RIMS2: variants seen among roughly 807,000 people sequenced by gnomAD.
RIMS2 encodes the protein regulating synaptic membrane exocytosis 2, also known as regulating synaptic membrane exocytosis protein 2.
RIMS2 carries 59 observed loss-of-function variants against 174.4 expected under a neutral mutation model. The ratio of observed to expected loss-of-function variants is 0.34; its 90% CI spans 0.27 to 0.42. The LOEUF is 0.42. Ranked by LOEUF, RIMS2 falls within the 10% of genes least tolerant of loss-of-function variation. RIMS2 has a pLI of 1.00. For synonymous variants in RIMS2, 606 were observed against 572.5 expected (o/e 1.06, Z -0.84); for missense variants, 1,620 against 1,666.3 (o/e 0.97, Z 0.48).
chr8:103,942,235 A>G (rs1362041564), intron 13 of RIMS2, among the ~76,000 whole-genome samples: 1 of 152,136 alleles, frequency 6.6e-6, no homozygotes, highest in Non-Finnish European at 1.5e-5. Flanking sequence ...TAAAAGTGAG[A>G]ATGCGTGGTA....
chr8:104,103,550 A>T (rs988897138), intron 19 of RIMS2, among the ~76,000 whole-genome samples: 3 of 152,102 alleles, frequency 2.0e-5, no homozygotes, highest in African/African-American at 7.2e-5. Flanking sequence ...CTTTTATTCT[A>T]ATACTCCTTC....
chr8:103,762,476 A>G (rs2098122711), intron 2 of RIMS2, among the ~76,000 whole-genome samples: 1 of 152,322 alleles, frequency 6.6e-6, no homozygotes, highest in East Asian at 1.9e-4. Flanking sequence ...GCCAAATTAG[A>G]TAAATTTTGT....
chr8:103,679,386 A>G (rs561754149), intron 1 of RIMS2, among the ~76,000 whole-genome samples: 3 of 152,172 alleles, frequency 2.0e-5, no homozygotes, highest in South Asian at 2.1e-4. Context: ...TTTAACATCA[A>G]TCAAGAAATT....
chr8:103,529,065 C>T (rs866411483), intron 1 of RIMS2, among the ~76,000 whole-genome samples: 14 of 152,110 alleles, frequency 9.2e-5, no homozygotes, highest in Non-Finnish European at 1.3e-4. Context: ...TCTTTTATTT[C>T]GTTGAGCAGT....
chr8:104,024,541 C>CGTT (rs55642714), intron 19 of RIMS2, among the ~76,000 whole-genome samples: 19,795 of 151,420 alleles, frequency 0.13, 1,674 homozygotes, highest in Non-Finnish European at 0.19. Context: ...CAACCGGTTT[C>CGTT]GTTGTTGTTG....
intron 19 of RIMS2, among the ~76,000 whole-genome samples, chr8:104,199,158 T>C (rs1587152485): frequency 6.6e-6 from 1 of 151,974 alleles, no homozygotes; most frequent in Non-Finnish European, 1.5e-5. Flanking sequence ...GCTTCCAGGG[T>C]TCACACCATT....
At chr8:104,132,576 G>C (rs2133050380) in intron 19 of RIMS2, among the ~76,000 whole-genome samples, 1 of 152,122 alleles carries the variant, frequency 6.6e-6, no homozygotes. Context: ...ATGTTGACCG[G>C]GTATACAGAG....
At chr8:103,726,887 T>C (rs2097533343) in intron 2 of RIMS2, among the ~76,000 whole-genome samples, 2 of 150,842 alleles carry the variant, frequency 1.3e-5, no homozygotes, top group South Asian at 4.2e-4. Flanking sequence ...TATAGGCACG[T>C]GCCATCATGC....
chr8:103,556,921 T>C (rs961998434), intron 1 of RIMS2, among the ~76,000 whole-genome samples: 1 of 152,128 alleles, frequency 6.6e-6, no homozygotes, highest in East Asian at 1.9e-4. Flanking sequence ...CTATGGATCA[T>C]GGCGGGGACC....
rs74645812 is a variant in RIMS2 at position 103,922,136 on chromosome 8, A to G, written c.2196+352A>G. On this transcript the variant is annotated intron_variant, in intron 10 of 23. Transcript: ENST00000504942. ...GAGAAATAAAAATGTTGCACTATAT[A>G]AAGATGGTATTTCAGATAAAAGTAA... is the stretch of plus-strand genomic sequence containing the variant. 1.6e-3 allele frequency: 261 copies of G among 165,382 alleles called. 1 individual carries two copies. Among genetic ancestry groups the G allele is most frequent in the African/African-American group, 6.1e-3 (253 of 41,648 alleles). The allele number at this position is 165,382 out of a possible 1,614,324, so 10.2% of individuals were successfully genotyped here.
intron 9 of RIMS2, among the ~76,000 whole-genome samples, chr8:103,920,028 T>A (rs545348440): frequency 6.6e-6 from 1 of 152,312 alleles, no homozygotes; most frequent in South Asian, 2.1e-4. Flanking sequence ...TCACCTTTAT[T>A]ACATCTCTCA....
At chr8:103,812,462 A>G (rs1592959830) in intron 3 of RIMS2, among the ~76,000 whole-genome samples, 1 of 148,924 alleles carries the variant, frequency 6.7e-6, no homozygotes, top group Non-Finnish European at 1.5e-5. Flanking sequence ...CTTGGTATAT[A>G]CCTCCGCCTC....
At chr8:103,832,573 T>C (rs1029248759) in intron 3 of RIMS2, among the ~76,000 whole-genome samples, 3 of 152,148 alleles carry the variant, frequency 2.0e-5, no homozygotes, top group Non-Finnish European at 4.4e-5. Flanking sequence ...GTTTGTGTTG[T>C]TCGCCTCTAT....
At chr8:103,524,160 G>A (rs1449606643) in intron 1 of RIMS2, among the ~76,000 whole-genome samples, 2 of 151,986 alleles carry the variant, frequency 1.3e-5, no homozygotes, top group Non-Finnish European at 2.9e-5. Flanking sequence ...TTTGCCCCAA[G>A]TGTTATTAAA....
chr8:104,006,409 G>A (rs572722788), intron 17 of RIMS2, among the ~76,000 whole-genome samples: 104 of 152,116 alleles, frequency 6.8e-4, no homozygotes, highest in African/African-American at 2.5e-3. Flanking sequence ...AATTAGCCGG[G>A]CGTGGTGGTG....
intron 14 of RIMS2, among the ~76,000 whole-genome samples, chr8:103,953,414 C>T (rs931643313): frequency 1.3e-5 from 2 of 152,092 alleles, no homozygotes; most frequent in Non-Finnish European, 2.9e-5. Context: ...CGGCAGAAAC[C>T]CTGCAAGCCA....
intron 1 of RIMS2, among the ~76,000 whole-genome samples, chr8:103,625,132 T>C (rs985938039): frequency 5.9e-5 from 9 of 152,138 alleles, no homozygotes; most frequent in South Asian, 2.1e-4. Context: ...AGGTTGGATA[T>C]GTAAAGGGCT....
At chr8:103,861,471 A>G (rs2099058711) in intron 3 of RIMS2, among the ~76,000 whole-genome samples, 1 of 152,114 alleles carries the variant, frequency 6.6e-6, no homozygotes, top group Admixed American at 6.6e-5. Context: ...TGATATAATG[A>G]TTTATTTTCG....
chr8:103,637,947 C>T (rs1275134223), intron 1 of RIMS2, among the ~76,000 whole-genome samples: 2 of 152,064 alleles, frequency 1.3e-5, no homozygotes, highest in African/African-American at 4.8e-5. Flanking sequence ...AGAGTGTTCC[C>T]TAATTTCAAT....
Sources: allele counts gnomAD v4.1 joint callset (sites outside exome capture counted in the v4.1 genomes callset), GRCh38; gene constraint gnomAD v4.1.1; transcripts MANE v1.5; gene names NCBI Gene and HGNC (gene_info 2026-07-23, HGNC 2026-07-21).